The following MRPS2 variants were observed in gnomAD, a reference collection of about 807,000 sequenced individuals.
MRPS2 encodes small ribosomal subunit protein uS2m.
A neutral mutation model predicts 18.9 loss-of-function variants in MRPS2; 13 were observed. The observed-to-expected ratio is 0.69, with a 90% CI of 0.45 to 1.09. The LOEUF (loss-of-function observed/expected upper bound fraction) is 1.09. MRPS2 is among the 50% of genes least tolerant of loss of function. The pLI, the probability that MRPS2 is intolerant of heterozygous loss-of-function variation, is 0.00. For missense variants in MRPS2, 389 were observed against 421.7 expected (o/e 0.92, Z 0.68); for synonymous variants, 186 against 178.4 (o/e 1.04, Z -0.34).
At chr9:135,502,097 C>T (rs867654096) in intron 3 of MRPS2, 124 bp downstream of exon 3, 1 of 1,511,462 alleles carries the variant, frequency 6.6e-7, no homozygotes, top group Admixed American at 2.2e-5. Flanking sequence ...CCATCCTCCT[C>T]CACATGGGAA....
intron 3 of MRPS2, chr9:135,503,143 C>T (rs1384794964): frequency 7.6e-6 from 8 of 1,058,282 alleles, no homozygotes; most frequent in South Asian, 6.9e-5. Context: ...CAGAGCACCC[C>T]GCTAAGTCCA....
rs550389224 is a variant in MRPS2, at chr9:135,504,349, G to A, written c.*216G>A. The A allele has an allele frequency of 1.2e-5, 7 of 596,686 alleles. No homozygotes were observed. The highest frequency in any genetic ancestry group is 5.6e-5 in the East Asian group (2 of 35,660). The allele number at this position is 596,686 out of a possible 1,614,324, so 37.0% of individuals were successfully genotyped here. On this transcript the variant is annotated 3_prime_UTR_variant, in exon 4 of 4. Transcript: ENST00000241600. This position sits in a 1 kb window ranked among gnomAD's most constrained non-coding sequence, Gnocchi z 4.3. ...GGGGAACAGAGCACAGAGGGTGAGC[G>A]ACATGTGCAGAACGGCCCCTTGGCT...
chr9:135,501,698 G>A, intron 2 of MRPS2, 146 bp from the exon 3 acceptor site: 3 of 1,473,216 alleles, frequency 2.0e-6, no homozygotes, highest in East Asian at 2.4e-5. Flanking sequence ...TGTGCTTCCA[G>A]GTCTTTCCTG....
intron 2 of MRPS2, 78 bp from the exon 3 acceptor site, chr9:135,501,766 G>A (rs942617271): frequency 1.8e-5 from 29 of 1,575,448 alleles, no homozygotes; most frequent in Admixed American, 1.7e-5. Context: ...TGGGAGCAGG[G>A]GTGGGCGGGA....
chr9:135,502,680 C>T (rs1831176958), intron 3 of MRPS2: 1 of 152,924 alleles, frequency 6.5e-6, no homozygotes, highest in African/African-American at 2.4e-5. Flanking sequence ...CACACGGTTA[C>T]CAGGAGGGAT....
chr9:135,502,385 G>A, intron 3 of MRPS2: 1 of 615,956 alleles, frequency 1.6e-6, no homozygotes, highest in Non-Finnish European at 2.1e-6. Flanking sequence ...GGGGCAGGTG[G>A]GAGGCCAGGG....
chr9:135,503,973 T>C lies in MRPS2; in HGVS notation c.731T>C (p.Leu244Pro), dbSNP rs1221863078. The C allele has an allele frequency of 6.2e-7, 1 of 1,613,632 alleles. No individual in the cohort carries two copies. Among genetic ancestry groups the C allele is most frequent in the Non-Finnish European group, 8.5e-7 (1 of 1,180,040 alleles). ...YPVPGNDDSP[L>P]AVHLYCRLFQ... ...GTACCCGGCAATGACGACTCTCCGC[T>C]GGCTGTGCACCTCTACTGCAGGCTC... The change falls in exon 4 of 4, where the codon CTG becomes CCG. Residue 244 changes from leucine to proline, a missense_variant. Physicochemically the swap from Leu to Pro is moderately conservative, Grantham distance 98. Transcript: ENST00000241600.
upstream of MRPS2, chr9:135,500,443 C>G: frequency 2.3e-6 from 1 of 432,070 alleles, no homozygotes; most frequent in Non-Finnish European, 4.0e-6. Context: ...AGGGGCCTCC[C>G]GGGCTGGCCG....
chr9:135,502,267 G>T, intron 3 of MRPS2: 1 of 1,202,658 alleles, frequency 8.3e-7, no homozygotes, highest in East Asian at 5.0e-5. Context: ...AACCTGTAAG[G>T]TTGGTCCCCC....
At chr9:135,502,849 C>T (rs1831183739) in intron 3 of MRPS2, among the ~76,000 whole-genome samples, 1 of 152,252 alleles carries the variant, frequency 6.6e-6, no homozygotes, top group Non-Finnish European at 1.5e-5. Flanking sequence ...GTTGATGCTG[C>T]TGAGAAGTGA....
In MRPS2 at chr9:135,504,299, A is replaced by C; in HGVS notation, c.*166A>C. 1 of 675,010 alleles carries C rather than the reference A, an allele frequency of 1.5e-6. No homozygotes were observed. Among genetic ancestry groups the C allele is most frequent in the South Asian group, 1.9e-5 (1 of 52,020 alleles). 41.8% of individuals were successfully genotyped at this position (675,010 alleles called of 1,614,324 possible). On this transcript the variant is annotated 3_prime_UTR_variant, in exon 4 of 4. Coordinates refer to ENST00000241600, the MANE Select transcript of MRPS2 (RefSeq NM_016034.5). The surrounding 1 kb of genome is among the most constrained non-coding windows in gnomAD (Gnocchi z 4.3). ...ACAGAACCAGTGGCTGAGCGGACCAACGTTGCCATGTGCGTTTGCTCTGTG... is the reference window on the plus strand; with the variant it reads ...ACAGAACCAGTGGCTGAGCGGACCACCGTTGCCATGTGCGTTTGCTCTGTG...
At chr9:135,502,316 A>T in intron 3 of MRPS2, 2 of 1,036,104 alleles carry the variant, frequency 1.9e-6, no homozygotes, top group Non-Finnish European at 2.4e-6. Context: ...GGGAGGAGGA[A>T]TGACTGGTCC....
At chr9:135,503,432 C>T (rs568039132) in intron 3 of MRPS2, 110 bp from the exon 4 acceptor site, 1,336 of 1,396,658 alleles carry the variant, frequency 9.6e-4, no homozygotes, top group Non-Finnish European at 1.2e-3. Flanking sequence ...CCATAGTGCC[C>T]CCACAGAGGA....
intron 3 of MRPS2, 65 bp downstream of exon 3, chr9:135,502,038 C>G (rs532754312): frequency 4.7e-5 from 76 of 1,606,028 alleles, no homozygotes; most frequent in Non-Finnish European, 6.4e-5. Flanking sequence ...TGCTCTGGTT[C>G]TAGGGCCACT....
chr9:135,500,840 G>A (rs1054954538), intron 1 of MRPS2, 87 bp downstream of exon 1: 2 of 1,490,912 alleles, frequency 1.3e-6, no homozygotes, highest in African/African-American at 2.8e-5. Context: ...GCGGGGACGT[G>A]GAGGGGACCC....
rs1192730613 is a variant in MRPS2 at position 135,503,822 on chromosome 9, A to G, written c.580A>G (p.Ile194Val). ...GPTVRLPDLI[I>V]FLHTLNNIFE... is the part of the protein sequence containing the mutation. ...CACGGTCCGCCTGCCGGACCTCATC[A>G]TCTTCCTGCACACGCTCAACAACAT... The change falls in exon 4 of 4, where the codon ATC becomes GTC. Residue 194 changes from isoleucine (I) to valine (V), a missense_variant. Transcript: ENST00000241600. 3 of 1,613,404 alleles carry G rather than the reference A, an allele frequency of 1.9e-6. No homozygotes were observed. The highest frequency in any genetic ancestry group is 2.2e-5 in the East Asian group (1 of 44,862).
upstream of MRPS2, chr9:135,500,150 G>A: frequency 2.4e-6 from 1 of 423,426 alleles, no homozygotes; most frequent in Admixed American, 4.2e-5. Context: ...CAGGGCCTGG[G>A]ACCCCGCCAG....
intron 3 of MRPS2, 181 bp downstream of exon 3, chr9:135,502,154 A>G (rs757149096): frequency 6.4e-6 from 9 of 1,405,324 alleles, no homozygotes; most frequent in Non-Finnish European, 6.5e-6. Context: ...AGCTTGGCGG[A>G]CGCTCTTGTG....
chr9:135,503,116 C>T (rs1022464790), intron 3 of MRPS2: 8 of 1,036,144 alleles, frequency 7.7e-6, no homozygotes, highest in Non-Finnish European at 9.3e-6. Flanking sequence ...TGCCCTGATC[C>T]CTTAATGCTT....
Sources: allele counts gnomAD v4.1 joint callset (sites outside exome capture counted in the v4.1 genomes callset), GRCh38; gene constraint gnomAD v4.1.1; non-coding constraint Gnocchi (gnomAD v3.1); transcripts MANE v1.5; gene names NCBI Gene and HGNC (gene_info 2026-07-23, HGNC 2026-07-21).